Variants in ZNF407 observed in about 807,000 individuals in gnomAD.
The protein encoded by ZNF407 is zinc finger protein 407.
Under a neutral mutation model 131.2 loss-of-function variants are expected in ZNF407, and 17 were observed. The ratio of observed to expected loss-of-function variants is 0.13; its 90% CI spans 0.09 to 0.19. The LOEUF (loss-of-function observed/expected upper bound fraction) is 0.19. ZNF407 is among the 10% of genes least tolerant of loss of function. The probability of loss-of-function intolerance (pLI) is 1.00; values close to 1 mark genes in which losing one functional copy is unlikely to be tolerated. For synonymous variants in ZNF407, 1,156 were observed against 1,062.0 expected (o/e 1.09, Z -1.72); for missense variants, 2,681 against 2,830.6 (o/e 0.95, Z 1.20).
At chr18:74,949,109 A>G (rs1390873151) in intron 8 of ZNF407, among the ~76,000 whole-genome samples, 1 of 152,252 alleles carries the variant, frequency 6.6e-6, no homozygotes, top group Non-Finnish European at 1.5e-5. Context: ...TAGGGCAAGA[A>G]AATTTGAGAT....
intron 4 of ZNF407, among the ~76,000 whole-genome samples, chr18:74,797,185 A>G (rs1395457190): frequency 6.6e-6 from 1 of 152,196 alleles, no homozygotes. Flanking sequence ...TCAAAAAGAA[A>G]TGAAGGCTGA....
chr18:75,030,055 A>G (rs1973221990), intron 8 of ZNF407, among the ~76,000 whole-genome samples: 1 of 152,218 alleles, frequency 6.6e-6, no homozygotes, highest in African/African-American at 2.4e-5. Flanking sequence ...TCCAATTAAG[A>G]GTTATATAAA....
rs751061688 is a variant in ZNF407 at position 74,955,852 on chromosome 18, G to A, written c.5428+35160G>A. 1.9e-4 allele frequency among the ~76,000 whole-genome samples: 29 copies of A among 152,126 alleles called. 1 individual carries two copies. Among genetic ancestry groups the A allele is most frequent in the Non-Finnish European group, 8.8e-5 (6 of 68,024 alleles). On this transcript the variant is annotated intron_variant, in intron 8 of 8. Transcript: ENST00000299687. ...AGCCATCCTCTCTCCCTGCACACACGGTGCACGTGTTCCTGTCTGTCTGTG... is the reference window on the plus strand; with the variant it reads ...AGCCATCCTCTCTCCCTGCACACACAGTGCACGTGTTCCTGTCTGTCTGTG...
At chr18:74,809,269 C>T (rs1036183369) in intron 4 of ZNF407, among the ~76,000 whole-genome samples, 2 of 152,170 alleles carry the variant, frequency 1.3e-5, no homozygotes, top group African/African-American at 2.4e-5. Flanking sequence ...GATAATTGTT[C>T]GGGATTCACA....
At chr18:74,644,407 T>C (rs908469024) in intron 3 of ZNF407, among the ~76,000 whole-genome samples, 2 of 151,994 alleles carry the variant, frequency 1.3e-5, no homozygotes, top group South Asian at 2.1e-4. Context: ...TTAATAATTT[T>C]GTGTTTAGAA....
chr18:74,759,503 G>A (rs547927007), intron 3 of ZNF407, among the ~76,000 whole-genome samples: 1 of 151,318 alleles, frequency 6.6e-6, no homozygotes, highest in African/African-American at 2.4e-5. Flanking sequence ...TTGTTTCCTG[G>A]TCATTTTTCC....
At chr18:74,623,221 TGTGTGAGTGCGG>T (rs1983630208) in intron 1 of ZNF407, among the ~76,000 whole-genome samples, 1 of 151,812 alleles carries the variant, frequency 6.6e-6, no homozygotes, top group African/African-American at 2.4e-5. Flanking sequence ...TGTGACTGCG[TGTGTGAGTGCGG>T]GTGTTAGTGT....
intron 4 of ZNF407, among the ~76,000 whole-genome samples, chr18:74,876,698 A>G (rs1001065931): frequency 6.6e-6 from 1 of 152,176 alleles, no homozygotes; most frequent in Non-Finnish European, 1.5e-5. Context: ...ACACAGAAGG[A>G]CCCCTGGTTC....
chr18:74,744,968 A>T (rs1257765345), intron 3 of ZNF407, among the ~76,000 whole-genome samples: 2 of 152,088 alleles, frequency 1.3e-5, no homozygotes, highest in Non-Finnish European at 2.9e-5. Context: ...CATCCATGGT[A>T]AATCTGTAAA....
rs1219342941 is a variant in ZNF407 at position 74,889,859 on chromosome 18, A to T, written c.5129-59A>T. On this transcript the variant is annotated intron_variant, in intron 6 of 8. Transcript: ENST00000299687. The stretch of plus-strand genomic sequence containing the variant: ...TTTTTAAATTGTCAATACCAGGTTT[A>T]TTCCTTCATTTCCAGTTGTTATTAT... The T allele has an allele frequency of 4.9e-6, 7 of 1,427,026 alleles. No homozygotes were observed. In the Admixed American group the frequency reaches 8.5e-5, roughly 17 times the overall value. The allele number at this position is 1,427,026 out of a possible 1,614,324, so 88.4% of individuals were successfully genotyped here. A position where few individuals can be genotyped will look rare whatever the true frequency, so the allele number is the denominator to read the frequency against.
chr18:74,717,864 A>G (rs1367589552), intron 3 of ZNF407, among the ~76,000 whole-genome samples: 1 of 152,200 alleles, frequency 6.6e-6, no homozygotes, highest in Non-Finnish European at 1.5e-5. Context: ...TTTGAGTGTC[A>G]TATCTGTGAT....
chr18:74,632,621 G>A lies in ZNF407; in HGVS notation c.1602G>A (p.Gly534=). ...SQTLCACTDC[G]QVATNRTDLE... The stretch of plus-strand genomic sequence containing the variant: ...CGTTGTGTGCTTGTACAGACTGTGG[G>A]CAAGTAGCTACAAATAGGACAGATT... The change falls in exon 2 of 9, where the codon GGG becomes GGA. Residue 534 remains glycine, a synonymous_variant. Transcript: ENST00000299687. The A allele has an allele frequency of 6.2e-7, 1 of 1,614,028 alleles. No homozygotes were observed. The highest frequency in any genetic ancestry group is 8.5e-7 in the Non-Finnish European group (1 of 1,179,904).
chr18:74,732,741 A>G (rs919356386), intron 3 of ZNF407, among the ~76,000 whole-genome samples: 3 of 152,198 alleles, frequency 2.0e-5, no homozygotes, highest in African/African-American at 4.8e-5. Context: ...ATTTCCCCCC[A>G]AAATCGAAAT....
At chr18:74,657,360 ATCTT>A (rs1985507501) in intron 3 of ZNF407, among the ~76,000 whole-genome samples, 1 of 152,214 alleles carries the variant, frequency 6.6e-6, no homozygotes, top group Non-Finnish European at 1.5e-5. Context: ...TTTCTGACTC[ATCTT>A]TCTTAAAAAC....
In ZNF407 at chr18:74,641,257, G is replaced by A; in HGVS notation, c.4802+135G>A. On this transcript the variant is annotated intron_variant, in intron 3 of 8. Transcript: ENST00000299687. ...GCGTACCCTCCTTTCCATTGTTATGGTAAATTCCTTAAATACAGTTATGAC... is the reference window on the plus strand; with the variant it reads ...GCGTACCCTCCTTTCCATTGTTATGATAAATTCCTTAAATACAGTTATGAC... The A allele has an allele frequency of 6.3e-6, 4 of 637,372 alleles. 1 individual carries two copies. In the South Asian group the frequency reaches 8.2e-5, roughly 13 times the overall value. 39.5% of individuals were successfully genotyped at this position (637,372 alleles called of 1,614,324 possible).
At chr18:74,734,817 T>G (rs1968376941) in intron 3 of ZNF407, among the ~76,000 whole-genome samples, 1 of 152,066 alleles carries the variant, frequency 6.6e-6, no homozygotes, top group African/African-American at 2.4e-5. Context: ...AGTGCAGGAA[T>G]CTCAGTGAGA....
chr18:74,808,319 T>A (rs1970144400), intron 4 of ZNF407, among the ~76,000 whole-genome samples: 1 of 152,170 alleles, frequency 6.6e-6, no homozygotes, highest in South Asian at 2.1e-4. Flanking sequence ...CGGCCAGCAC[T>A]TAGCATTTTT....
At chr18:75,008,188 G>A (rs1599291108) in intron 8 of ZNF407, among the ~76,000 whole-genome samples, 2 of 152,138 alleles carry the variant, frequency 1.3e-5, no homozygotes, top group South Asian at 2.1e-4. Context: ...GCTGACCTCC[G>A]TGCAAGTCCC....
intron 3 of ZNF407, among the ~76,000 whole-genome samples, chr18:74,738,422 GAAAAAAAAAAA>G (rs10602546): frequency 3.0e-5 from 2 of 65,692 alleles, no homozygotes; most frequent in Non-Finnish European, 5.1e-5. Flanking sequence ...TCTGTCTCAA[GAAAAAAAAAAA>G]AAAAAAAAAA....
Sources: allele counts gnomAD v4.1 joint callset (sites outside exome capture counted in the v4.1 genomes callset), GRCh38; gene constraint gnomAD v4.1.1; transcripts MANE v1.5; gene names NCBI Gene and HGNC (gene_info 2026-07-23, HGNC 2026-07-21).